The following RORC variants were observed in gnomAD, a reference collection of about 807,000 sequenced individuals.
The protein encoded by RORC is RAR related orphan receptor C.
A neutral mutation model predicts 64.5 loss-of-function variants in RORC; 13 were observed. The ratio of observed to expected loss-of-function variants is 0.20; its 90% CI spans 0.13 to 0.32. The LOEUF is 0.32. Ranked by LOEUF, RORC falls within the 10% of genes least tolerant of loss-of-function variation. The pLI, the probability that RORC is intolerant of heterozygous loss-of-function variation, is 1.00. For synonymous variants in RORC, 277 were observed against 259.3 expected, an observed-to-expected ratio of 1.07 and a Z score of -0.65; for missense variants, 468 against 669.5, an observed-to-expected ratio of 0.70 and a Z score of 3.32.
chr1:151,816,090 C>T (rs1651743259), intron 4 of RORC, among the ~76,000 whole-genome samples: 1 of 152,094 alleles, frequency 6.6e-6, no homozygotes, highest in South Asian at 2.1e-4. Flanking sequence ...CTCATCACCT[C>T]ATGCCCCCCC....
In RORC at chr1:151,830,939, G is replaced by A; in HGVS notation, c.40+786C>T. On this transcript the variant is annotated intron_variant, in intron 1 of 10. Coordinates refer to ENST00000318247, the MANE Select transcript of RORC (RefSeq NM_005060.4). This position sits in a 1 kb window ranked among gnomAD's most constrained non-coding sequence, Gnocchi z 4.0. ...CTCCCCTTGCTCACCCAGGCAGCCA[G>A]TTCTTCCTCCACCAGGTGGCCCTGG... The A allele has an allele frequency of 7.8e-7, 1 of 1,289,134 alleles. No homozygotes were observed. Among genetic ancestry groups the A allele is most frequent in the Non-Finnish European group, 1.0e-6 (1 of 988,708 alleles). 79.9% of individuals were successfully genotyped at this position (1,289,134 alleles called of 1,614,324 possible).
At chr1:151,820,119 C>G (rs1199598666) in intron 2 of RORC, among the ~76,000 whole-genome samples, 1 of 152,172 alleles carries the variant, frequency 6.6e-6, no homozygotes, top group South Asian at 2.1e-4. Flanking sequence ...ACTTCAGGCC[C>G]TCTAGTCCTG....
rs144826157 is a variant in RORC, at chr1:151,811,391, C to T, written c.1329G>A (p.Gln443=). 9.6e-5 allele frequency: 155 copies of T among 1,613,962 alleles called. No homozygotes were observed. The highest frequency in any genetic ancestry group is 1.3e-4 in the Non-Finnish European group (151 of 1,179,934). ...GATGAAAGGCCAGCTCCAGATTGTA[C>T]TGCAGCTGTTCTACTTTCCTTTTCT... ...LQEKRKVEQL[Q]YNLELAFHHH... is the part of the protein sequence containing the mutation. Residue 443 remains glutamine, a synonymous_variant, in exon 10 of 11, where the codon CAG becomes CAA. Transcript: ENST00000318247.
Position 151,815,303 on chromosome 1 carries a change from C to G in RORC, c.421G>C (p.Ala141Pro). Residue 141 changes from alanine (A) to proline (P), a missense_variant, in exon 5 of 11, where the codon GCC becomes CCC. Physicochemically the swap from Ala to Pro is conservative, Grantham distance 27. Around this residue, in one of 5 missense-constraint regions of RORC, gnomAD observed 241 missense variants for 295.5 expected, o/e 0.82. Coordinates refer to ENST00000318247, the MANE Select transcript of RORC (RefSeq NM_005060.4). The part of the protein sequence containing the change: ...EPVVKTPPAG[A>P]QGADTLTYTL... ...TAGGTGAGGGTATCTGCTCCTTGGG[C>G]CCCTGCTGGAGGGGTCTTGACCACT... 1.2e-6 allele frequency: 2 copies of G among 1,608,720 alleles called. No individual in the cohort carries two copies. Among genetic ancestry groups the G allele is most frequent in the South Asian group, 2.2e-5 (2 of 90,640 alleles).
At chr1:151,825,276 A>G (rs1267673741) in intron 2 of RORC, among the ~76,000 whole-genome samples, 1 of 151,960 alleles carries the variant, frequency 6.6e-6, no homozygotes, top group Non-Finnish European at 1.5e-5. Context: ...CACACCCCAC[A>G]CACACACGCA....
intron 2 of RORC, among the ~76,000 whole-genome samples, chr1:151,821,324 A>G (rs920679269): frequency 5.9e-5 from 9 of 152,148 alleles, no homozygotes; most frequent in African/African-American, 2.2e-4. Flanking sequence ...CCATCATGGT[A>G]GAGAATGGGT....
chr1:151,830,823 T>C lies in RORC; in HGVS notation c.40+902A>G. The C allele has an allele frequency of 1.1e-5, 4 of 371,206 alleles. No homozygotes were observed. The highest frequency in any genetic ancestry group is 2.2e-5 in the African/African-American group (1 of 45,168). 23.0% of individuals were successfully genotyped at this position (371,206 alleles called of 1,614,324 possible). ...CCCAGCCCCGCCCACCTCCCCTTGC[T>C]CCTGCCTGGCCCCACCCAGCTTCCT... On this transcript the variant is annotated intron_variant, in intron 1 of 10. Coordinates refer to ENST00000318247, the MANE Select transcript of RORC (RefSeq NM_005060.4). This position sits in a 1 kb window ranked among gnomAD's most constrained non-coding sequence, Gnocchi z 4.0.
intron 10 of RORC, among the ~76,000 whole-genome samples, chr1:151,808,039 C>T (rs1651381081): frequency 1.3e-5 from 2 of 152,190 alleles, no homozygotes; most frequent in Non-Finnish European, 2.9e-5. Context: ...GTCACCTCTC[C>T]TAAGACTATT....
At chr1:151,817,336 C>T (rs1467207995) in intron 2 of RORC, 56 bp from the exon 3 acceptor site, 1 of 1,225,630 alleles carries the variant, frequency 8.2e-7, no homozygotes, top group Non-Finnish European at 1.2e-6. Flanking sequence ...CATTCAACCA[C>T]CATGTACCTG....
In RORC at chr1:151,829,472, A is replaced by T; in HGVS notation, c.41-14T>A. 1 of 1,524,900 alleles carries T rather than the reference A, an allele frequency of 6.6e-7. No homozygotes were observed. Among genetic ancestry groups the T allele is most frequent in the Non-Finnish European group, 8.7e-7 (1 of 1,144,226 alleles). 94.5% of individuals were successfully genotyped at this position (1,524,900 alleles called of 1,614,324 possible). On this transcript the variant is annotated splice_polypyrimidine_tract_variant and intron_variant, in intron 1 of 10. Transcript: ENST00000318247. ...CAGCCAGCAGCTCTGTAAAGACAAGAGAGGGGGTTGACGTCAAAGGTTGAA... is the reference window on the plus strand; with the variant it reads ...CAGCCAGCAGCTCTGTAAAGACAAGTGAGGGGGTTGACGTCAAAGGTTGAA...
intron 2 of RORC, among the ~76,000 whole-genome samples, chr1:151,817,945 G>C (rs1037085850): frequency 3.9e-5 from 6 of 152,268 alleles, no homozygotes; most frequent in Non-Finnish European, 8.8e-5. Flanking sequence ...CCCCAGAGCA[G>C]AGAGAGGGTG....
chr1:151,827,088 A>T (rs1652224005), intron 2 of RORC, among the ~76,000 whole-genome samples: 1 of 152,264 alleles, frequency 6.6e-6, no homozygotes, highest in Non-Finnish European at 1.5e-5. Context: ...ACTGCACTAC[A>T]GCCTGAGCAA....
chr1:151,807,523 G>A lies in RORC; in HGVS notation c.1506C>T (p.Tyr502=). The change falls in exon 11 of 11, where the codon TAC becomes TAT. Residue 502 remains tyrosine (Y), a synonymous_variant. Coordinates refer to ENST00000318247, the MANE Select transcript of RORC (RefSeq NM_005060.4). This position sits in a 1 kb window ranked among gnomAD's most constrained non-coding sequence, Gnocchi z 5.0. The part of the protein sequence containing the change: ...IVVQAAFPPL[Y]KELFSTETES... Reference sequence around the variant, plus strand: ...CGGTTTCAGTGCTGAAGAGCTCCTTGTAGAGTGGAGGGAAAGCGGCTTGGA... The same window carrying A: ...CGGTTTCAGTGCTGAAGAGCTCCTTATAGAGTGGAGGGAAAGCGGCTTGGA... 6.2e-7 allele frequency: 1 copy of A among 1,614,150 alleles called. No homozygotes were observed.
chr1:151,809,780 C>T (rs1174208028), intron 10 of RORC, among the ~76,000 whole-genome samples: 2 of 152,242 alleles, frequency 1.3e-5, no homozygotes, highest in African/African-American at 4.8e-5. Flanking sequence ...ACACCCAGCC[C>T]TGTGCCTGGC....
chr1:151,813,796 C>G, intron 6 of RORC, 176 bp from the exon 7 acceptor site: 4 of 684,164 alleles, frequency 5.8e-6, no homozygotes, highest in Non-Finnish European at 9.6e-6. Context: ...CCAGTGAGTC[C>G]CACACACTGA....
At chr1:151,811,272 G>A in intron 10 of RORC, 53 bp downstream of exon 10, 1 of 1,206,672 alleles carries the variant, frequency 8.3e-7, no homozygotes, top group Non-Finnish European at 1.2e-6. Context: ...AAACTCTGAT[G>A]TTACAGAGCT....
chr1:151,831,176 A>G, intron 1 of RORC: 1 of 1,218,714 alleles, frequency 8.2e-7, no homozygotes, highest in Non-Finnish European at 1.1e-6. Flanking sequence ...TGGCGAGGAA[A>G]GGACCAGGCT....
intron 2 of RORC, among the ~76,000 whole-genome samples, chr1:151,820,203 T>A (rs1292086541): frequency 6.6e-6 from 1 of 151,162 alleles, no homozygotes; most frequent in South Asian, 2.1e-4. Context: ...AAAGTACCAG[T>A]GCTGTGTACA....
At position 151,815,219 on chromosome 1, in the gene RORC, C is replaced by T; in HGVS notation, c.505G>A (p.Ala169Thr). ...AGGAGGCCAGGGGGACAGGCAGAAG[C>T]CTCAGGCAGGTCAGGCGAGGAGCCC... The part of the protein sequence containing the change: ...PLGSSPDLPE[A>T]SACPPGLLKA... Residue 169 changes from alanine to threonine, a missense_variant, in exon 5 of 11, where the codon GCT becomes ACT. This residue lies in a region of RORC where 241 missense variants were observed against 295.5 expected (regional missense o/e 0.82). Coordinates refer to ENST00000318247, the MANE Select transcript of RORC (RefSeq NM_005060.4). 3 of 1,613,472 alleles carry T rather than the reference C, an allele frequency of 1.9e-6. No homozygotes were observed. In the South Asian group the frequency reaches 3.3e-5, roughly 18 times the overall value.
Sources: allele counts gnomAD v4.1 joint callset (sites outside exome capture counted in the v4.1 genomes callset), GRCh38; gene constraint gnomAD v4.1.1; regional missense constraint gnomAD v4.1.1; non-coding constraint Gnocchi (gnomAD v3.1); transcripts MANE v1.5; gene names NCBI Gene and HGNC (gene_info 2026-07-23, HGNC 2026-07-21).